Variants in NKAIN3 observed in about 807,000 individuals in gnomAD.
NKAIN3 encodes the protein sodium/potassium-transporting ATPase subunit beta-1-interacting protein 3.
Under a neutral mutation model 30.2 loss-of-function variants are expected in NKAIN3, and 25 were observed. The observed-to-expected ratio is 0.83, with a 90% confidence interval of 0.60 to 1.16. NKAIN3 has a LOEUF of 1.16. Among genes scored for constraint, NKAIN3 ranks in the 50% most tolerant of loss-of-function variants. The pLI is 0.00. For synonymous variants in NKAIN3, 91 were observed against 89.6 expected (o/e 1.02, Z -0.09); for missense variants, 225 against 254.1 (o/e 0.89, Z 0.78).
intron 3 of NKAIN3, among the ~76,000 whole-genome samples, chr8:62,720,073 G>A (rs1407372644): frequency 6.6e-6 from 1 of 151,462 alleles, no homozygotes; most frequent in African/African-American, 2.4e-5. Flanking sequence ...TCTATCAGAT[G>A]CAAGAATTAT....
intron 1 of NKAIN3, among the ~76,000 whole-genome samples, chr8:62,343,447 T>G (rs1424410185): frequency 1.3e-5 from 2 of 152,126 alleles, no homozygotes; most frequent in African/African-American, 4.8e-5. Context: ...TACATAAAAC[T>G]ACTATAAATT....
At chr8:62,633,449 G>A (rs1053622858) in intron 3 of NKAIN3, among the ~76,000 whole-genome samples, 1 of 152,028 alleles carries the variant, frequency 6.6e-6, no homozygotes, top group Non-Finnish European at 1.5e-5. Context: ...TCTGCATTGG[G>A]CAGTAAAATA....
chr8:62,543,850 G>T (rs921652779), intron 1 of NKAIN3, among the ~76,000 whole-genome samples: 6 of 152,074 alleles, frequency 3.9e-5, no homozygotes, highest in Non-Finnish European at 8.8e-5. Flanking sequence ...GGTTTGTAAG[G>T]TTGTTATATT....
chr8:62,382,586 G>A (rs188655700), intron 1 of NKAIN3, among the ~76,000 whole-genome samples: 164 of 152,174 alleles, frequency 1.1e-3, no homozygotes, highest in African/African-American at 3.9e-3. Context: ...ATAAAAGAAG[G>A]GTTCAAGTCA....
chr8:62,883,457 G>GTTGTTT lies in NKAIN3; in HGVS notation c.472-34994_472-34993insGTTTTT. Among the ~76,000 whole-genome samples, 4 of 70,226 alleles carry GTTGTTT rather than the reference G, an allele frequency of 5.7e-5. 1 individual carries two copies. The highest frequency in any genetic ancestry group is 4.8e-5 in the Non-Finnish European group (2 of 41,382). The allele number at this position is 70,226 out of a possible 152,430, so 46.1% of individuals were successfully genotyped here. On this transcript the variant is annotated intron_variant, in intron 4 of 6. Transcript: ENST00000623646. ...TTTATTATTTCCAGGAGTTTTATGGGTTTTTTTTTTTTTTTTCAGATTTTC... is the reference window on the plus strand; with the variant it reads ...TTTATTATTTCCAGGAGTTTTATGGGTTGTTTTTTTTTTTTTTTTTTTCAGATTTTC...
At chr8:62,394,393 C>T (rs979908586) in intron 1 of NKAIN3, among the ~76,000 whole-genome samples, 7 of 151,374 alleles carry the variant, frequency 4.6e-5, no homozygotes, top group African/African-American at 1.2e-4. Context: ...TGTTAACCTT[C>T]GGATGTTAAA....
chr8:62,756,690 A>G (rs1210550730), intron 4 of NKAIN3, among the ~76,000 whole-genome samples: 4 of 152,196 alleles, frequency 2.6e-5, no homozygotes, highest in Non-Finnish European at 5.9e-5. Flanking sequence ...ATGGTTATCT[A>G]TCTTTTGTCC....
intron 4 of NKAIN3, among the ~76,000 whole-genome samples, chr8:62,905,623 C>CA (rs1015875973): frequency 6.6e-6 from 1 of 152,126 alleles, no homozygotes; most frequent in Non-Finnish European, 1.5e-5. Flanking sequence ...CTTCTCTCCA[C>CA]CAAAATGACC....
At chr8:62,900,995 C>A (rs970107825) in intron 4 of NKAIN3, among the ~76,000 whole-genome samples, 1 of 152,052 alleles carries the variant, frequency 6.6e-6, no homozygotes, top group South Asian at 2.1e-4. Flanking sequence ...AGATGGAACC[C>A]CTTGAATCCC....
At position 62,815,554 on chromosome 8, in the gene NKAIN3, G is replaced by T. The variant is rs185492320; in HGVS notation, c.471+68425G>T. ...AGTGGGCTTCATCCCTGGGATGCAAGTCTGGTTCAATATACACAAATCAAT... is the reference window on the plus strand; with the variant it reads ...AGTGGGCTTCATCCCTGGGATGCAATTCTGGTTCAATATACACAAATCAAT... On this transcript the variant is annotated intron_variant, in intron 4 of 6. Coordinates refer to ENST00000623646, the MANE Select transcript of NKAIN3 (RefSeq NM_001304533.3). Among the ~76,000 whole-genome samples, 122 of 152,308 alleles carry T rather than the reference G, an allele frequency of 8.0e-4. 1 individual carries two copies. The highest frequency in any genetic ancestry group is 2.6e-3 in the African/African-American group (108 of 41,554).
intron 3 of NKAIN3, among the ~76,000 whole-genome samples, chr8:62,613,002 T>A (rs1010488374): frequency 2.0e-5 from 3 of 151,882 alleles, no homozygotes; most frequent in African/African-American, 7.3e-5. Context: ...TGGTTATTAT[T>A]TTTGATTGGT....
intron 1 of NKAIN3, among the ~76,000 whole-genome samples, chr8:62,415,967 C>T (rs1169617546): frequency 6.6e-6 from 1 of 151,918 alleles, no homozygotes; most frequent in Non-Finnish European, 1.5e-5. Context: ...CCGTGTTAGC[C>T]AGATGGTCTT....
intron 1 of NKAIN3, among the ~76,000 whole-genome samples, chr8:62,496,862 T>C (rs1188462293): frequency 6.6e-6 from 1 of 152,170 alleles, no homozygotes; most frequent in Non-Finnish European, 1.5e-5. Flanking sequence ...TTAGCAGGAA[T>C]TTTTAATTTC....
At chr8:62,452,501 CA>C (rs751232383) in intron 1 of NKAIN3, among the ~76,000 whole-genome samples, 4 of 151,800 alleles carry the variant, frequency 2.6e-5, no homozygotes, top group Non-Finnish European at 5.9e-5. Flanking sequence ...AATAAATAAA[CA>C]AACAAACAAA....
chr8:62,561,668 TACTC>T (rs1192196927), intron 1 of NKAIN3, among the ~76,000 whole-genome samples: 7 of 152,102 alleles, frequency 4.6e-5, no homozygotes, highest in African/African-American at 1.7e-4. Context: ...AGGGCAAAAA[TACTC>T]ACTTCATAGA....
chr8:62,407,030 T>C (rs1381065538), intron 1 of NKAIN3, among the ~76,000 whole-genome samples: 1 of 152,156 alleles, frequency 6.6e-6, no homozygotes, highest in African/African-American at 2.4e-5. Flanking sequence ...AATATAGACA[T>C]TTGAATGTAA....
At chr8:62,915,881 T>C (rs1441695634) in intron 4 of NKAIN3, among the ~76,000 whole-genome samples, 20 of 152,058 alleles carry the variant, frequency 1.3e-4, no homozygotes, top group Admixed American at 1.3e-3. Context: ...ATCAAGTTAA[T>C]AAATGAGCAA....
chr8:62,501,207 T>C (rs1416374894), intron 1 of NKAIN3, among the ~76,000 whole-genome samples: 2 of 152,132 alleles, frequency 1.3e-5, no homozygotes, highest in African/African-American at 4.8e-5. Flanking sequence ...TTATATTGAA[T>C]ATATGAAAAC....
chr8:62,852,046 C>T (rs767466376), intron 4 of NKAIN3, among the ~76,000 whole-genome samples: 1 of 152,012 alleles, frequency 6.6e-6, no homozygotes, highest in Non-Finnish European at 1.5e-5. Context: ...GCTCCTCCTT[C>T]TACCTCTGGT....
Sources: allele counts gnomAD v4.1 joint callset (sites outside exome capture counted in the v4.1 genomes callset), GRCh38; gene constraint gnomAD v4.1.1; transcripts MANE v1.5; gene names NCBI Gene and HGNC (gene_info 2026-07-23, HGNC 2026-07-21).